C2CD2: variants seen among roughly 807,000 people sequenced by gnomAD.
C2CD2 encodes the protein C2 calcium dependent domain containing 2.
In C2CD2, 43 loss-of-function variants were observed where a neutral mutation model predicts 74.3. The observed-to-expected ratio is 0.58, with a 90% CI of 0.45 to 0.75. The LOEUF is 0.75. Among genes scored for constraint, C2CD2 ranks in the 30% least tolerant of loss-of-function variants. The pLI is 0.00. For synonymous variants in C2CD2, 422 were observed against 390.7 expected (o/e 1.08, Z -0.94); for missense variants, 801 against 916.3 (o/e 0.87, Z 1.63).
chr21:41,944,217 T>C (rs920809277), intron 1 of C2CD2, among the ~76,000 whole-genome samples: 2 of 152,070 alleles, frequency 1.3e-5, no homozygotes, highest in Non-Finnish European at 2.9e-5. Context: ...ATTCAAACCT[T>C]GAAAAGAGTT....
In C2CD2 at chr21:41,912,336, T is replaced by A; in HGVS notation, c.949A>T (p.Thr317Ser). Residue 317 changes from threonine (T) to serine (S), a missense_variant, in exon 7 of 14, where the codon ACC (threonine) becomes TCC (serine). Physicochemically the swap from Thr to Ser is moderately conservative, Grantham distance 58. Coordinates refer to ENST00000380486, the MANE Select transcript of C2CD2 (RefSeq NM_015500.2). The part of the protein sequence containing the change: ...TPDLMWEEEF[T>S]FELNAKSKEL... ...CCATAACCCGGCCAGACTCACAAGG[T>A]GAATTCCTCTTCCCACATGAGGTCC... The A allele has an allele frequency of 6.2e-7, 1 of 1,605,594 alleles. No individual in the cohort carries two copies. The highest frequency in any genetic ancestry group is 8.5e-7 in the Non-Finnish European group (1 of 1,174,332).
At chr21:41,910,754 A>G (rs1004452027) in intron 7 of C2CD2, among the ~76,000 whole-genome samples, 5 of 152,176 alleles carry the variant, frequency 3.3e-5, no homozygotes, top group African/African-American at 1.2e-4. Flanking sequence ...TTTTTTAAGG[A>G]TTAGATTATG....
rs2065174832 is a variant in C2CD2 at position 41,923,230 on chromosome 21, T to G, written c.379-1145A>C. Among the ~76,000 whole-genome samples the G allele has an allele frequency of 6.6e-6, 1 of 152,132 alleles. No homozygotes were observed. The highest frequency in any genetic ancestry group is 2.4e-5 in the African/African-American group (1 of 41,426). ...GGAGGGTCTCGATCTCCTCACCTCG[T>G]GATCCGCCCACCTCGGCCTTCCAAA... On this transcript the variant is annotated intron_variant, in intron 2 of 13. Transcript: ENST00000380486. The surrounding 1 kb of genome is among the most constrained non-coding windows in gnomAD (Gnocchi z 5.8).
intron 1 of C2CD2, among the ~76,000 whole-genome samples, chr21:41,947,101 T>C (rs981072393): frequency 1.3e-5 from 2 of 149,690 alleles, no homozygotes; most frequent in Non-Finnish European, 3.0e-5. Context: ...TTTCTTTCTT[T>C]CCTTTCTCTT....
Position 41,899,243 on chromosome 21 carries a change from T to C in C2CD2, c.1680A>G (p.Pro560=), listed in dbSNP as rs781106669. 1.7e-5 allele frequency: 28 copies of C among 1,612,424 alleles called. 1 individual carries two copies. In the South Asian group the frequency reaches 2.7e-4, roughly 16 times the overall value. The change falls in exon 13 of 14, where the codon CCA becomes CCG. Residue 560 remains proline, a synonymous_variant. Coordinates refer to ENST00000380486, the MANE Select transcript of C2CD2 (RefSeq NM_015500.2). This position sits in a 1 kb window ranked among gnomAD's most constrained non-coding sequence, Gnocchi z 4.4. The part of the protein sequence containing the change: ...HPERAAASAP[P]EEAESAQASL... ...ATGCCTGGGCTGACTCGGCTTCCTC[T>C]GGCGGGGCAGAGGCTGCCGCCCTCT...
chr21:41,914,977 G>A (rs549678023), intron 5 of C2CD2, among the ~76,000 whole-genome samples: 1 of 152,324 alleles, frequency 6.6e-6, no homozygotes, highest in South Asian at 2.1e-4. Flanking sequence ...AAGTAGCAGT[G>A]CATTCATCCA....
chr21:41,929,350 C>A lies in C2CD2; in HGVS notation c.379-7265G>T, dbSNP rs2065243890. Among the ~76,000 whole-genome samples the A allele has an allele frequency of 6.6e-6, 1 of 152,190 alleles. No homozygotes were observed. On this transcript the variant is annotated intron_variant, in intron 2 of 13. Transcript: ENST00000380486. This position sits in a 1 kb window ranked among gnomAD's most constrained non-coding sequence, Gnocchi z 4.6. ...TGAGAAGGGATACAAGCTCTATACCCAGGGCCTGGGCACACCTGATGCCAT... is the reference window on the plus strand; with the variant it reads ...TGAGAAGGGATACAAGCTCTATACCAAGGGCCTGGGCACACCTGATGCCAT...
intron 2 of C2CD2, among the ~76,000 whole-genome samples, chr21:41,937,793 T>A (rs1196158875): frequency 6.6e-6 from 1 of 152,210 alleles, no homozygotes; most frequent in Admixed American, 6.5e-5. Context: ...GAAAATCCTG[T>A]CATTTGCAAC....
Position 41,895,125 on chromosome 21 carries a change from A to G in C2CD2, c.1870+3928T>C. On this transcript the variant is annotated intron_variant, in intron 13 of 13. Coordinates refer to ENST00000380486, the MANE Select transcript of C2CD2 (RefSeq NM_015500.2). This position sits in a 1 kb window ranked among gnomAD's most constrained non-coding sequence, Gnocchi z 5.0. ...GAATGTGGGTAGGCCTCATCCAATCAGCTGAAGGCCCTAAGAGCAAACACT... is the reference window on the plus strand; with the variant it reads ...GAATGTGGGTAGGCCTCATCCAATCGGCTGAAGGCCCTAAGAGCAAACACT... 2.8e-6 allele frequency: 1 copy of G among 362,142 alleles called. No homozygotes were observed. Among genetic ancestry groups the G allele is most frequent in the South Asian group, 2.0e-5 (1 of 49,222 alleles). 22.4% of individuals were successfully genotyped at this position (362,142 alleles called of 1,614,324 possible).
rs2064761989 is a variant in C2CD2 at position 41,892,068 on chromosome 21, G to A, written c.1871-2724C>T. Among the ~76,000 whole-genome samples, 1 of 151,812 alleles carries A rather than the reference G, an allele frequency of 6.6e-6. No individual in the cohort carries two copies. The highest frequency in any genetic ancestry group is 1.9e-4 in the East Asian group (1 of 5,146). ...CTTATTTGGAGATGGGGTCCTTGCAGAAGTCATCAACTTAAAATTAGATCA... is the reference window on the plus strand; with the variant it reads ...CTTATTTGGAGATGGGGTCCTTGCAAAAGTCATCAACTTAAAATTAGATCA... On this transcript the variant is annotated intron_variant, in intron 13 of 13. Coordinates refer to ENST00000380486, the MANE Select transcript of C2CD2 (RefSeq NM_015500.2). This position sits in a 1 kb window ranked among gnomAD's most constrained non-coding sequence, Gnocchi z 4.6.
intron 11 of C2CD2, among the ~76,000 whole-genome samples, chr21:41,905,500 T>C (rs1419554291): frequency 6.6e-6 from 1 of 152,046 alleles, no homozygotes; most frequent in East Asian, 1.9e-4. Context: ...GTATTTTTAG[T>C]AGAGATGGGG....
intron 7 of C2CD2, among the ~76,000 whole-genome samples, chr21:41,910,634 T>C (rs1356674525): frequency 1.3e-5 from 2 of 152,146 alleles, no homozygotes; most frequent in Non-Finnish European, 2.9e-5. Context: ...AGTTCAGGAA[T>C]TTTGTTCAGT....
chr21:41,923,119 C>T lies in C2CD2; in HGVS notation c.379-1034G>A, dbSNP rs192626883. On this transcript the variant is annotated intron_variant, in intron 2 of 13. Coordinates refer to ENST00000380486, the MANE Select transcript of C2CD2 (RefSeq NM_015500.2). This position sits in a 1 kb window ranked among gnomAD's most constrained non-coding sequence, Gnocchi z 5.8. The stretch of plus-strand genomic sequence containing the variant: ...CACACGATTCTCCTGCCTCAAACTC[C>T]CGAGTGGCTGGGTTTACAGGCGTGT... Among the ~76,000 whole-genome samples, 28 of 152,192 alleles carry T rather than the reference C, an allele frequency of 1.8e-4. No homozygotes were observed. The highest frequency in any genetic ancestry group is 5.1e-4 in the African/African-American group (21 of 41,516).
At chr21:41,915,057 T>C (rs1415503555) in intron 5 of C2CD2, among the ~76,000 whole-genome samples, 1 of 152,118 alleles carries the variant, frequency 6.6e-6, no homozygotes, top group African/African-American at 2.4e-5. Context: ...GTCTAAACTA[T>C]CTGACCCGGG....
chr21:41,889,557 A>G (rs1279886254), intron 13 of C2CD2, among the ~76,000 whole-genome samples: 2 of 152,186 alleles, frequency 1.3e-5, no homozygotes, highest in African/African-American at 2.4e-5. Flanking sequence ...AAACGAGATT[A>G]TAACAGTAGA....
At position 41,901,668 on chromosome 21, in the gene C2CD2, T is replaced by C. The variant is rs374327676; in HGVS notation, c.1514A>G (p.Lys505Arg). The C allele has an allele frequency of 1.2e-6, 2 of 1,614,156 alleles. No individual in the cohort carries two copies. The highest frequency in any genetic ancestry group is 2.2e-5 in the South Asian group (2 of 91,086). The change falls in exon 12 of 14, where the codon AAG becomes AGG. Residue 505 changes from lysine to arginine, a missense_variant. By Grantham distance (26) the Lys-to-Arg change is conservative. Transcript: ENST00000380486. ...AATAGTGCTTTTCTTCCGTGGCGAC[T>C]TGAGTTTCAGCTTTGAAGATTCACT... is the stretch of plus-strand genomic sequence containing the variant. Reference protein sequence around the residue: ...QLSESSKLKLKSPRKKSTIII... With the variant: ...QLSESSKLKLRSPRKKSTIII...
rs775742640 is a variant in C2CD2, at chr21:41,906,979, C to G, written c.1318+13G>C. On this transcript the variant is annotated intron_variant, in intron 10 of 13. Transcript: ENST00000380486. ...ATGCAGAAAGTTCCTCGACTGCGTT[C>G]CTGTTGTCTCACCAGAGCTCAGCGG... The G allele has an allele frequency of 6.2e-7, 1 of 1,608,856 alleles. No individual in the cohort carries two copies.
intron 2 of C2CD2, among the ~76,000 whole-genome samples, chr21:41,928,370 G>T (rs905285166): frequency 6.6e-6 from 1 of 152,074 alleles, no homozygotes. Flanking sequence ...CGTGGGAGTC[G>T]CATTCAGGGG....
intron 11 of C2CD2, among the ~76,000 whole-genome samples, chr21:41,904,306 TC>T (rs1298862064): frequency 1.5e-5 from 2 of 132,394 alleles, no homozygotes; most frequent in Non-Finnish European, 3.2e-5. Context: ...GGAGGAATGC[TC>T]AGTTCTGAGA....
Sources: allele counts gnomAD v4.1 joint callset (sites outside exome capture counted in the v4.1 genomes callset), GRCh38; gene constraint gnomAD v4.1.1; non-coding constraint Gnocchi (gnomAD v3.1); transcripts MANE v1.5; gene names NCBI Gene and HGNC (gene_info 2026-07-23, HGNC 2026-07-21).